HYDIN: variants seen among roughly 807,000 people sequenced by gnomAD.
The protein encoded by HYDIN is axonemal central pair apparatus protein HYDIN.
Under a neutral mutation model 403.9 loss-of-function variants are expected in HYDIN, and 132 were observed. The ratio of observed to expected loss-of-function variants is 0.33; its 90% CI spans 0.28 to 0.38. The LOEUF is 0.38. Among genes scored for constraint, HYDIN ranks in the 10% least tolerant of loss-of-function variants. HYDIN has a pLI of 1.00. For missense variants in HYDIN, 2,827 were observed against 5,009.5 expected (o/e 0.56, Z 13.15); for synonymous variants, 1,202 against 1,891.7 (o/e 0.64, Z 9.46).
At chr16:71,090,351 GC>G (rs1337025237) in intron 11 of HYDIN, 17 of 142,508 alleles carry the variant, frequency 1.2e-4, no homozygotes, top group African/African-American at 4.4e-4. Flanking sequence ...GTTTCTCTGT[GC>G]TCCAGTTTCC....
At chr16:70,947,862 G>A (rs1165468135) in intron 41 of HYDIN, among the ~76,000 whole-genome samples, 5 of 149,914 alleles carry the variant, frequency 3.3e-5, no homozygotes, top group East Asian at 2.0e-4. Context: ...AATCAATATC[G>A]TGAAAATGGC....
intron 3 of HYDIN, among the ~76,000 whole-genome samples, chr16:71,183,341 A>G (rs2086986534): frequency 2.0e-5 from 3 of 152,194 alleles, no homozygotes; most frequent in Non-Finnish European, 4.4e-5. Flanking sequence ...TGCAAGCTGT[A>G]GAAGGGCAGA....
chr16:71,224,763 G>A (rs1370537257), intron 1 of HYDIN, among the ~76,000 whole-genome samples: 27 of 151,522 alleles, frequency 1.8e-4, no homozygotes, highest in Admixed American at 1.2e-3. Flanking sequence ...GGGTTTCACC[G>A]TTTTAGCCGG....
chr16:70,949,225 G>A (rs1448086619), intron 41 of HYDIN, among the ~76,000 whole-genome samples: 36 of 146,860 alleles, frequency 2.5e-4, no homozygotes, highest in Admixed American at 1.5e-3. Flanking sequence ...AACAAACACC[G>A]CATATTCTCA....
At chr16:71,011,252 A>G (rs796918884) in intron 23 of HYDIN, among the ~76,000 whole-genome samples, 6 of 152,204 alleles carry the variant, frequency 3.9e-5, no homozygotes, top group African/African-American at 1.4e-4. Context: ...CACTTCATTT[A>G]ATCCTCACAG....
At chr16:70,927,960 A>C (rs1446626954) in intron 45 of HYDIN, among the ~76,000 whole-genome samples, 3 of 152,004 alleles carry the variant, frequency 2.0e-5, no homozygotes, top group African/African-American at 4.8e-5. Flanking sequence ...AAAAAAAAAA[A>C]ACAAAAAACA....
chr16:70,916,899 T>A (rs1358712481), intron 47 of HYDIN, among the ~76,000 whole-genome samples: 1 of 151,746 alleles, frequency 6.6e-6, no homozygotes, highest in Non-Finnish European at 1.5e-5. Flanking sequence ...TTCTTTCCCC[T>A]CTCTCTCTTC....
chr16:70,813,243 G>A (rs1268089650), intron 84 of HYDIN, among the ~76,000 whole-genome samples: 4 of 151,178 alleles, frequency 2.6e-5, no homozygotes, highest in South Asian at 4.2e-4. Context: ...GAGCCACCGC[G>A]CCCGGCCTGT....
In HYDIN at chr16:70,807,738, G is replaced by T. The variant is rs577654275; in HGVS notation, c.15208C>A (p.Arg5070=). Residue 5070 remains arginine, a synonymous_variant, in exon 86 of 86, where the codon CGG becomes AGG. Coordinates refer to ENST00000393567, the MANE Select transcript of HYDIN (RefSeq NM_001270974.2). ...AFTIRAGESV[R]PKKINNITVS... is the part of the protein sequence containing the mutation. The stretch of plus-strand genomic sequence containing the variant: ...GTGATGTTGTTGATCTTCTTGGGCC[G>T]CACAGACTCTCCAGCGCGAATGGTG... 1 of 1,614,142 alleles carries T rather than the reference G, an allele frequency of 6.2e-7. No individual in the cohort carries two copies. Among genetic ancestry groups the T allele is most frequent in the Non-Finnish European group, 8.5e-7 (1 of 1,180,026 alleles).
intron 5 of HYDIN, among the ~76,000 whole-genome samples, chr16:71,174,623 A>T (rs1326312948): frequency 2.0e-5 from 3 of 152,092 alleles, no homozygotes; most frequent in Non-Finnish European, 2.9e-5. Context: ...TACTCCCTGG[A>T]GAAGGGGTGG....
chr16:70,995,844 A>C (rs1320060995), intron 23 of HYDIN, among the ~76,000 whole-genome samples: 9 of 152,070 alleles, frequency 5.9e-5, no homozygotes, highest in Non-Finnish European at 1.0e-4. Flanking sequence ...GCTGGACAAG[A>C]AGGGCCTGCA....
At chr16:71,074,626 G>C (rs1240967931) in intron 13 of HYDIN, among the ~76,000 whole-genome samples, 1 of 126,498 alleles carries the variant, frequency 7.9e-6, no homozygotes, top group Non-Finnish European at 1.6e-5. Context: ...AGATTGCAGT[G>C]AGCCAACATG....
At position 71,184,880 on chromosome 16, in the gene HYDIN, T is replaced by C; in HGVS notation, c.246A>G (p.Glu82=). 1 of 1,606,262 alleles carries C rather than the reference T, an allele frequency of 6.2e-7. No homozygotes were observed. The highest frequency in any genetic ancestry group is 8.5e-7 in the Non-Finnish European group (1 of 1,174,832). The change falls in exon 3 of 86, where the codon GAA becomes GAG. Residue 82 remains glutamate (E), a synonymous_variant. Coordinates refer to ENST00000393567, the MANE Select transcript of HYDIN (RefSeq NM_001270974.2). ...PQIIELLDMG[E]TTHQKFSGID... is the part of the protein sequence containing the mutation. ...GAGCAGCTACCTTCTGATGTGTTGT[T>C]TCCCCCATATCTAAGAGTTCGATGA...
chr16:71,187,237 T>C (rs1296142430), intron 1 of HYDIN, among the ~76,000 whole-genome samples: 4 of 152,130 alleles, frequency 2.6e-5, no homozygotes, highest in African/African-American at 9.7e-5. Context: ...CCAATAAACA[T>C]ACTAAATAGT....
intron 28 of HYDIN, 101 bp downstream of exon 28, chr16:70,985,084 A>G: frequency 1.0e-6 from 1 of 979,170 alleles, no homozygotes; most frequent in Non-Finnish European, 1.5e-6. Context: ...TAGTTTTAAC[A>G]AAAAGAAAAA....
chr16:70,955,751 C>CA (rs1040825209), intron 39 of HYDIN, among the ~76,000 whole-genome samples: 1 of 152,150 alleles, frequency 6.6e-6, no homozygotes, highest in African/African-American at 2.4e-5. Context: ...CTAACCCTGC[C>CA]ACTGATGCGT....
At chr16:71,027,517 A>G (rs1273136005) in intron 20 of HYDIN, 85 bp downstream of exon 20, 15 of 1,542,180 alleles carry the variant, frequency 9.7e-6, no homozygotes, top group Admixed American at 4.3e-5. Flanking sequence ...CCTCAGATAA[A>G]TGTCAAGGGA....
chr16:71,087,459 T>A (rs1309058281), intron 12 of HYDIN, among the ~76,000 whole-genome samples: 2 of 138,632 alleles, frequency 1.4e-5, no homozygotes, highest in Non-Finnish European at 3.1e-5. Flanking sequence ...TCTGACCTCA[T>A]TTTGCCTTAA....
chr16:70,971,005 C>G (rs533147202), intron 35 of HYDIN, among the ~76,000 whole-genome samples: 1 of 152,242 alleles, frequency 6.6e-6, no homozygotes, highest in East Asian at 1.9e-4. Context: ...GCACTTGTAC[C>G]AAGTGCTTCA....
Sources: gnomAD v4.1 joint callset for allele counts (sites outside exome capture counted in the v4.1 genomes callset) on GRCh38, gnomAD v4.1.1 for gene constraint, MANE v1.5 for transcripts, NCBI Gene and HGNC (gene_info 2026-07-23, HGNC 2026-07-21) for gene names.